NIM1K: variants seen among roughly 807,000 people sequenced by gnomAD.
The protein encoded by NIM1K is NIM1 serine/threonine protein kinase, also known as serine/threonine-protein kinase NIM1.
NIM1K carries 35 observed loss-of-function variants against 37.1 expected under a neutral mutation model. That is an observed-to-expected ratio of 0.94 (90% confidence interval 0.72 to 1.25). The LOEUF (loss-of-function observed/expected upper bound fraction) is 1.25. Ranked by LOEUF, NIM1K falls within the 50% of genes most tolerant of loss-of-function variation. The pLI, the probability that NIM1K is intolerant of heterozygous loss-of-function variation, is 0.00. For missense variants in NIM1K, 564 were observed against 548.0 expected, an observed-to-expected ratio of 1.03 and a Z score of -0.29; for synonymous variants, 234 against 206.6, an observed-to-expected ratio of 1.13 and a Z score of -1.14.
chr5:43,256,270 TG>T (rs146962124), intron 2 of NIM1K, among the ~76,000 whole-genome samples: 31,683 of 152,028 alleles, frequency 0.21, 3,837 homozygotes, highest in Middle Eastern at 0.38. Flanking sequence ...AGGCAAGAGA[TG>T]AAGGTGGTTT....
Position 43,254,735 on chromosome 5 carries a change from C to T in NIM1K, c.292+8668C>T, listed in dbSNP as rs1364011349. Among the ~76,000 whole-genome samples, 6 of 152,066 alleles carry T rather than the reference C, an allele frequency of 3.9e-5. No homozygotes were observed. In the East Asian group the frequency reaches 5.8e-4, roughly 15 times the overall value. On this transcript the variant is annotated intron_variant, in intron 2 of 3. Transcript: ENST00000326035. ...CATAAAGATAGCCCAATGGTTTTGT[C>T]GTTTTGCTTTTTCTAGAGATGAAGT...
At chr5:43,272,999 C>T (rs966167859) in intron 2 of NIM1K, among the ~76,000 whole-genome samples, 5 of 152,052 alleles carry the variant, frequency 3.3e-5, no homozygotes, top group East Asian at 1.9e-4. Flanking sequence ...ATGTGTTGCC[C>T]GCTAGGTGGG....
intron 1 of NIM1K, among the ~76,000 whole-genome samples, chr5:43,211,124 A>G (rs1393839682): frequency 9.2e-5 from 14 of 152,200 alleles, no homozygotes; most frequent in Admixed American, 9.2e-4. Context: ...GTGAGCCGAG[A>G]TTGCGCCACT....
chr5:43,202,993 G>T (rs1403046639), intron 1 of NIM1K, among the ~76,000 whole-genome samples: 1 of 152,012 alleles, frequency 6.6e-6, no homozygotes, highest in East Asian at 1.9e-4. Context: ...ACAATCTATT[G>T]CTGGTTGCTC....
At chr5:43,239,398 G>A (rs550952865) in intron 1 of NIM1K, among the ~76,000 whole-genome samples, 2 of 151,796 alleles carry the variant, frequency 1.3e-5, no homozygotes, top group East Asian at 1.9e-4. Context: ...CCACCATGCC[G>A]GGTTAATTTT....
Position 43,268,145 on chromosome 5 carries a change from A to G in NIM1K, c.293-8912A>G, listed in dbSNP as rs1399885968. Among the ~76,000 whole-genome samples the G allele has an allele frequency of 1.3e-5, 2 of 152,184 alleles. 1 individual carries two copies. Among genetic ancestry groups the G allele is most frequent in the East Asian group, 3.9e-4 (2 of 5,192 alleles). ...TTTGGAGCTCCATAGTTAGGTACAC[A>G]TATATTTTGGATTATAATATTCTCT... On this transcript the variant is annotated intron_variant, in intron 2 of 3. Coordinates refer to ENST00000326035, the MANE Select transcript of NIM1K (RefSeq NM_153361.4).
At chr5:43,237,929 C>T (rs192285430) in intron 1 of NIM1K, among the ~76,000 whole-genome samples, 21 of 151,950 alleles carry the variant, frequency 1.4e-4, no homozygotes, top group South Asian at 4.2e-4. Context: ...AATAGTGTAA[C>T]GGGAAATTCT....
At chr5:43,238,039 A>ATTTT (rs71608701) in intron 1 of NIM1K, among the ~76,000 whole-genome samples, 26 of 120,612 alleles carry the variant, frequency 2.2e-4, no homozygotes, top group Middle Eastern at 4.6e-3. Flanking sequence ...CTTCAATTTA[A>ATTTT]TTTTTTTTTT....
chr5:43,194,322 T>A (rs1751879882), intron 1 of NIM1K, among the ~76,000 whole-genome samples: 1 of 152,216 alleles, frequency 6.6e-6, no homozygotes, highest in South Asian at 2.1e-4. Flanking sequence ...TGGTGTTTGG[T>A]GTGCCATTGA....
rs1752845278 is a variant in NIM1K at position 43,250,070 on chromosome 5, T to G, written c.292+4003T>G. Among the ~76,000 whole-genome samples the G allele has an allele frequency of 1.3e-4, 20 of 151,902 alleles. 1 individual carries two copies. Among genetic ancestry groups the G allele is most frequent in the Admixed American group, 1.3e-3 (20 of 15,244 alleles). ...GGTTTCACCATGTTAGCCAGGATGG[T>G]CTCGATCTCCTGACCTCGTGATCTG... is the stretch of plus-strand genomic sequence containing the variant. On this transcript the variant is annotated intron_variant, in intron 2 of 3. Transcript: ENST00000326035.
At chr5:43,241,706 TTATTA>T (rs1752706293) in intron 1 of NIM1K, among the ~76,000 whole-genome samples, 1 of 151,998 alleles carries the variant, frequency 6.6e-6, no homozygotes, top group African/African-American at 2.4e-5. Flanking sequence ...TTTTATTTGT[TTATTA>T]TATTTGTTGG....
chr5:43,247,202 A>G (rs563331703), intron 2 of NIM1K, among the ~76,000 whole-genome samples: 2 of 152,208 alleles, frequency 1.3e-5, no homozygotes, highest in South Asian at 4.2e-4. Context: ...CACGTCTTCT[A>G]TACTCTTGCT....
chr5:43,279,929 A>T (rs1255297844), intron 3 of NIM1K, 51 bp from the exon 4 acceptor site: 1 of 1,454,302 alleles, frequency 6.9e-7, no homozygotes, highest in Middle Eastern at 1.8e-4. Flanking sequence ...TACATTTTTT[A>T]TTTTGACATT....
intron 1 of NIM1K, among the ~76,000 whole-genome samples, chr5:43,244,755 T>C (rs1752751663): frequency 1.3e-5 from 2 of 152,242 alleles, no homozygotes; most frequent in Admixed American, 6.5e-5. Context: ...GAATCTTTCA[T>C]CTTTGCTATC....
intron 1 of NIM1K, among the ~76,000 whole-genome samples, chr5:43,200,053 A>G (rs952420532): frequency 2.0e-5 from 3 of 151,882 alleles, no homozygotes; most frequent in African/African-American, 4.8e-5. Flanking sequence ...CTAATTTTGT[A>G]TTCTTAGCAG....
intron 1 of NIM1K, among the ~76,000 whole-genome samples, chr5:43,202,367 A>T (rs1657168908): frequency 6.6e-6 from 1 of 152,066 alleles, no homozygotes; most frequent in South Asian, 2.1e-4. Flanking sequence ...TGTTTTAGAT[A>T]TTTATTCATT....
chr5:43,254,198 G>A (rs1017942197), intron 2 of NIM1K, among the ~76,000 whole-genome samples: 2 of 151,738 alleles, frequency 1.3e-5, no homozygotes, highest in African/African-American at 4.9e-5. Context: ...TGTGATCAAT[G>A]GTATGGGTGA....
intron 2 of NIM1K, among the ~76,000 whole-genome samples, chr5:43,256,053 T>C (rs928711746): frequency 2.0e-5 from 3 of 151,972 alleles, no homozygotes; most frequent in Admixed American, 2.0e-4. Flanking sequence ...TGGCTTTTCC[T>C]GGGATTTTAC....
intron 1 of NIM1K, among the ~76,000 whole-genome samples, chr5:43,220,489 C>T (rs568763737): frequency 1.2e-3 from 184 of 152,182 alleles, no homozygotes; most frequent in Middle Eastern, 3.4e-3. Context: ...TTTCATTGGC[C>T]AGGCTGATCG....
Sources: gnomAD v4.1 joint callset for allele counts (sites outside exome capture counted in the v4.1 genomes callset) on GRCh38, gnomAD v4.1.1 for gene constraint, MANE v1.5 for transcripts, NCBI Gene and HGNC (gene_info 2026-07-23, HGNC 2026-07-21) for gene names.